The following MYO1H variants were observed in gnomAD, a reference collection of about 807,000 sequenced individuals.
The protein encoded by MYO1H is myosin IH.
In MYO1H, 118 loss-of-function variants were observed where a neutral mutation model predicts 149.3. That is an observed-to-expected ratio of 0.79 (90% CI 0.68 to 0.92). MYO1H has a LOEUF of 0.92. Among genes scored for constraint, MYO1H ranks in the 40% least tolerant of loss-of-function variants. The pLI is 0.00. For missense variants in MYO1H, 1,212 were observed against 1,280.7 expected (o/e 0.95, Z 0.82); for synonymous variants, 447 against 465.2 (o/e 0.96, Z 0.50).
chr12:109,337,208 G>T, the MYO1H span, among the ~76,000 whole-genome samples: 1 of 152,066 alleles, frequency 6.6e-6, no homozygotes, highest in African/African-American at 2.4e-5. Flanking sequence ...TTCCAGAGAG[G>T]TTTTTTTCCC....
chr12:109,407,935 C>A, intron 10 of MYO1H, 22 bp downstream of exon 10: 2 of 1,612,044 alleles, frequency 1.2e-6, no homozygotes, highest in Non-Finnish European at 1.7e-6. Context: ...CATTTTGGAT[C>A]CCTTGCTCTT....
At chr12:109,341,038 A>G in the MYO1H span, among the ~76,000 whole-genome samples, 2 of 152,200 alleles carry the variant, frequency 1.3e-5, no homozygotes, top group African/African-American at 4.8e-5. Context: ...AATACAAAAA[A>G]TTAGCCATAT....
upstream of MYO1H, among the ~76,000 whole-genome samples, chr12:109,347,029 A>C (rs2048104899): frequency 6.6e-6 from 1 of 152,146 alleles, no homozygotes; most frequent in Non-Finnish European, 1.5e-5. Context: ...ATATACAGAG[A>C]GAGAGATACA....
the MYO1H span, among the ~76,000 whole-genome samples, chr12:109,330,575 A>G: frequency 6.6e-6 from 1 of 152,130 alleles, no homozygotes; most frequent in Admixed American, 6.6e-5. Context: ...AGTGACCCCT[A>G]CCAAGACCCC....
intron 24 of MYO1H, 107 bp downstream of exon 24, chr12:109,439,897 C>T (rs907953731): frequency 1.0e-6 from 1 of 980,842 alleles, no homozygotes; most frequent in Non-Finnish European, 1.5e-6. Context: ...AAGGGCTGCC[C>T]TGGCAAAGCC....
intron 1 of MYO1H, among the ~76,000 whole-genome samples, chr12:109,382,854 GA>G (rs1245388647): frequency 2.1e-5 from 3 of 146,174 alleles, no homozygotes; most frequent in African/African-American, 5.0e-5. Context: ...ATATTTACAG[GA>G]AAAATATATT....
chr12:109,340,219 A>G, the MYO1H span, among the ~76,000 whole-genome samples: 4 of 152,156 alleles, frequency 2.6e-5, no homozygotes, highest in African/African-American at 4.8e-5. Context: ...TCTGTTGCCC[A>G]GGCTGGAGTG....
chr12:109,405,976 G>A (rs779778458), exon 8 of MYO1H: 33 of 1,613,764 alleles, frequency 2.0e-5, no homozygotes, highest in Non-Finnish European at 2.0e-5. Context: ...TGGTTTTGAA[G>A]AAGACGACCA....
intron 23 of MYO1H, among the ~76,000 whole-genome samples, chr12:109,438,971 G>A (rs972239391): frequency 2.6e-5 from 4 of 152,196 alleles, no homozygotes; most frequent in South Asian, 2.1e-4. Context: ...AAGGTGGGGC[G>A]GTAACTAGCC....
intron 1 of MYO1H, among the ~76,000 whole-genome samples, chr12:109,349,657 TCAAAA>T (rs1388275998): frequency 1.5e-5 from 1 of 64,548 alleles, no homozygotes; most frequent in East Asian, 3.9e-4. Context: ...AAACCCTGTC[TCAAAA>T]AAAAAAAAAA....
chr12:109,362,637 G>A (rs887852932), intron 1 of MYO1H, among the ~76,000 whole-genome samples: 1 of 152,150 alleles, frequency 6.6e-6, no homozygotes, highest in Admixed American at 6.5e-5. Context: ...TTGATCTAAC[G>A]GTAATAAACC....
At chr12:109,397,909 T>C in intron 5 of MYO1H, 97 bp downstream of exon 5, 1 of 817,498 alleles carries the variant, frequency 1.2e-6, no homozygotes, top group Non-Finnish European at 1.8e-6. Context: ...CGGCATTTTT[T>C]GGCTCAAGCT....
chr12:109,380,370 G>A (rs374613405), intron 1 of MYO1H, among the ~76,000 whole-genome samples: 19 of 150,924 alleles, frequency 1.3e-4, no homozygotes, highest in Admixed American at 3.3e-4. Flanking sequence ...TGACATAAAC[G>A]GTAAAATGAA....
At position 109,401,084 on chromosome 12, in the gene MYO1H, G is replaced by T. The variant is rs377440796; in HGVS notation, c.571-9G>T. On this transcript the variant is annotated splice_polypyrimidine_tract_variant and intron_variant, in intron 5 of 31. Transcript: ENST00000310903. The stretch of plus-strand genomic sequence containing the variant: ...TTGTCACTGCTGCAATTTTTGTTCT[G>T]TTTTGAAGGGCATTCCCGTAGGTGG... 6.2e-7 allele frequency: 1 copy of T among 1,612,652 alleles called. No homozygotes were observed. Among genetic ancestry groups the T allele is most frequent in the Non-Finnish European group, 8.5e-7 (1 of 1,178,900 alleles).
At chr12:109,348,548 G>A (rs978542766) in intron 1 of MYO1H, among the ~76,000 whole-genome samples, 2 of 152,098 alleles carry the variant, frequency 1.3e-5, no homozygotes, top group Non-Finnish European at 2.9e-5. Flanking sequence ...TTTTAAATGC[G>A]ATAAGCCCAA....
intron 1 of MYO1H, among the ~76,000 whole-genome samples, chr12:109,379,093 C>G (rs73190701): frequency 0.033 from 5,036 of 152,256 alleles, 118 homozygotes; most frequent in Middle Eastern, 0.065. Context: ...TTAAATAAAT[C>G]AAAATTAAAT....
intron 1 of MYO1H, among the ~76,000 whole-genome samples, chr12:109,352,537 G>T (rs11066368): frequency 1.3e-5 from 2 of 151,940 alleles, no homozygotes; most frequent in Non-Finnish European, 2.9e-5. Context: ...TACATCTTGC[G>T]TGTCTCGTTA....
At chr12:109,433,070 T>C in intron 20 of MYO1H, 60 bp downstream of exon 20, 1 of 1,375,538 alleles carries the variant, frequency 7.3e-7, no homozygotes, top group Non-Finnish European at 1.0e-6. Context: ...GTTTTGTGCA[T>C]TGATCCGTAT....
At chr12:109,402,022 G>A (rs1452687963) in intron 6 of MYO1H, among the ~76,000 whole-genome samples, 1 of 152,096 alleles carries the variant, frequency 6.6e-6, no homozygotes, top group Non-Finnish European at 1.5e-5. Context: ...TTACAGGCAC[G>A]AGCCACTGTG....
Sources: gnomAD v4.1 joint callset for allele counts (sites outside exome capture counted in the v4.1 genomes callset) on GRCh38, gnomAD v4.1.1 for gene constraint, MANE v1.5 for transcripts, NCBI Gene and HGNC (gene_info 2026-07-23, HGNC 2026-07-21) for gene names.